Variants in ADAM32 observed in about 807,000 individuals in gnomAD.
ADAM32 encodes the protein ADAM metallopeptidase domain 32.
A neutral mutation model predicts 114.9 loss-of-function variants in ADAM32; 89 were observed. That is an observed-to-expected ratio of 0.77 (90% CI 0.65 to 0.92). The LOEUF (loss-of-function observed/expected upper bound fraction) is 0.92, where lower values mean the gene tolerates loss of function less well. ADAM32 is among the 40% of genes least tolerant of loss of function. ADAM32 has a pLI of 0.00. For missense variants in ADAM32, 870 were observed against 932.8 expected, an observed-to-expected ratio of 0.93 and a Z score of 0.88; for synonymous variants, 285 against 307.5, an observed-to-expected ratio of 0.93 and a Z score of 0.77.
intron 19 of ADAM32, among the ~76,000 whole-genome samples, chr8:39,265,768 G>A (rs901240985): frequency 5.3e-5 from 8 of 152,062 alleles, no homozygotes; most frequent in African/African-American, 1.2e-4. Flanking sequence ...GGGGGGCTAC[G>A]CATGTAAGTA....
chr8:39,270,615 A>G (rs992044933), intron 19 of ADAM32, among the ~76,000 whole-genome samples: 6 of 152,210 alleles, frequency 3.9e-5, no homozygotes, highest in South Asian at 2.1e-4. Context: ...TTTAGAAGGG[A>G]TCAGAAAAAG....
intron 20 of ADAM32, among the ~76,000 whole-genome samples, chr8:39,272,410 G>A (rs972679458): frequency 2.0e-5 from 3 of 152,002 alleles, no homozygotes; most frequent in South Asian, 2.1e-4. Flanking sequence ...GTTATTGTGC[G>A]AACATCACAG....
At position 39,278,889 on chromosome 8, in the gene ADAM32, A is replaced by G. The variant is rs191561558; in HGVS notation, c.2280-2247A>G. On this transcript the variant is annotated intron_variant, in intron 22 of 24. Transcript: ENST00000379907. The stretch of plus-strand genomic sequence containing the variant: ...CACTGAATTTTGAATGATAGCTTAA[A>G]TGGTTACTCCTAGCTGAGAAGGACT... Among the ~76,000 whole-genome samples, 678 of 152,246 alleles carry G rather than the reference A, an allele frequency of 4.5e-3. 9 individuals carry two copies. The highest frequency in any genetic ancestry group is 5.1e-3 in the Non-Finnish European group (344 of 68,012).
At position 39,211,451 on chromosome 8, in the gene ADAM32, C is replaced by A. The variant is rs1239461025; in HGVS notation, c.1233+127C>A. The A allele has an allele frequency of 8.7e-6, 8 of 921,362 alleles. No homozygotes were observed. The South Asian group carries it at 1.0e-4, about 12-fold the overall frequency. The allele number at this position is 921,362 out of a possible 1,614,324, so 57.1% of individuals were successfully genotyped here. On this transcript the variant is annotated intron_variant, in intron 12 of 24. Transcript: ENST00000379907. The stretch of plus-strand genomic sequence containing the variant: ...ATGTTGACAGTAAGTGAAGTTGGGT[C>A]GAAATACATACAAGAAAATACTGTT...
rs1340364825 is a variant in ADAM32 at position 39,185,194 on chromosome 8, G to T, written c.916-1715G>T. Among the ~76,000 whole-genome samples the T allele has an allele frequency of 3.3e-5, 5 of 151,648 alleles. No homozygotes were observed. The East Asian group carries it at 9.7e-4, about 29-fold the overall frequency. On this transcript the variant is annotated intron_variant, in intron 10 of 24. Coordinates refer to ENST00000379907, the MANE Select transcript of ADAM32 (RefSeq NM_145004.7). Reference sequence around the variant, plus strand: ...GCAGGAGAATCACTTGAACCCAGGAGGTGGAGGTTGCAGTGAGCCAAGATC... The same window carrying T: ...GCAGGAGAATCACTTGAACCCAGGATGTGGAGGTTGCAGTGAGCCAAGATC...
intron 12 of ADAM32, among the ~76,000 whole-genome samples, chr8:39,219,155 C>T (rs1808780970): frequency 6.6e-6 from 1 of 152,058 alleles, no homozygotes; most frequent in Admixed American, 6.6e-5. Context: ...GTCTTCTTTA[C>T]TCTTCCCTTT....
intron 2 of ADAM32, among the ~76,000 whole-genome samples, chr8:39,120,623 G>A (rs796496694): frequency 3.3e-5 from 5 of 152,054 alleles, no homozygotes; most frequent in South Asian, 4.2e-4. Context: ...TTAGCTGGAC[G>A]TGGTGGCAGG....
rs555012856 is a variant in ADAM32 at position 39,257,528 on chromosome 8, G to A, written c.2162+185G>A. Among the ~76,000 whole-genome samples, 67 of 152,176 alleles carry A rather than the reference G, an allele frequency of 4.4e-4. No homozygotes were observed. Among genetic ancestry groups the A allele is most frequent in the Non-Finnish European group, 9.1e-4 (62 of 67,948 alleles). ...ATTTTTAAGACACAAAGATTTGGAA[G>A]TGTAATTTACATAGTTTGCCAAAGT... On this transcript the variant is annotated intron_variant, in intron 19 of 24. Transcript: ENST00000379907.
rs183133435 is a variant in ADAM32, at chr8:39,121,451, G to C, written c.138+3286G>C. Among the ~76,000 whole-genome samples the C allele has an allele frequency of 3.9e-3, 589 of 152,202 alleles. 6 individuals carry two copies. Among genetic ancestry groups the C allele is most frequent in the African/African-American group, 0.014 (561 of 41,524 alleles). On this transcript the variant is annotated intron_variant, in intron 2 of 24. Coordinates refer to ENST00000379907, the MANE Select transcript of ADAM32 (RefSeq NM_145004.7). ...AACATCACACACTGGGGCCAGTCGG[G>C]GGGTGGAGGGCTAGGGGAGGGAGAG... is the stretch of plus-strand genomic sequence containing the variant.
intron 23 of ADAM32, among the ~76,000 whole-genome samples, chr8:39,283,023 C>A (rs75604116): frequency 0.13 from 20,347 of 152,116 alleles, 1,535 homozygotes; most frequent in Middle Eastern, 0.23. Flanking sequence ...GTGAATTAAT[C>A]TTGATTAATT....
At chr8:39,152,972 T>G (rs983267997) in intron 6 of ADAM32, among the ~76,000 whole-genome samples, 6 of 152,154 alleles carry the variant, frequency 3.9e-5, no homozygotes, top group Non-Finnish European at 8.8e-5. Context: ...CATACTGACA[T>G]GTAATGGTCC....
At chr8:39,208,312 C>T (rs1228119475) in intron 11 of ADAM32, among the ~76,000 whole-genome samples, 1 of 152,128 alleles carries the variant, frequency 6.6e-6, no homozygotes, top group Non-Finnish European at 1.5e-5. Context: ...TACACTTTAA[C>T]TCCCTTCTCC....
At chr8:39,177,441 CTT>C (rs1402368205) in intron 10 of ADAM32, among the ~76,000 whole-genome samples, 6 of 152,092 alleles carry the variant, frequency 3.9e-5, no homozygotes, top group African/African-American at 9.7e-5. Context: ...GGTTTTGACT[CTT>C]TATTCATCTT....
intron 1 of ADAM32, among the ~76,000 whole-genome samples, chr8:39,115,540 A>G (rs1002336955): frequency 1.4e-5 from 2 of 148,142 alleles, no homozygotes; most frequent in African/African-American, 4.9e-5. Flanking sequence ...GGCCACATGT[A>G]TGTTTTATTT....
chr8:39,169,870 A>G (rs776706118), intron 9 of ADAM32, 46 bp from the exon 10 acceptor site: 1 of 1,381,522 alleles, frequency 7.2e-7, no homozygotes, highest in Admixed American at 1.9e-5. Context: ...TCTCATTTTT[A>G]AATTGTCTGT....
At chr8:39,216,593 T>G (rs1331550362) in intron 12 of ADAM32, among the ~76,000 whole-genome samples, 1 of 152,136 alleles carries the variant, frequency 6.6e-6, no homozygotes, top group African/African-American at 2.4e-5. Context: ...TCTTGCTTTT[T>G]ATTTTCTGTG....
At chr8:39,259,009 A>G (rs978152736) in intron 19 of ADAM32, among the ~76,000 whole-genome samples, 6 of 151,920 alleles carry the variant, frequency 3.9e-5, no homozygotes, top group Non-Finnish European at 7.4e-5. Context: ...TTTTTTCTCA[A>G]TCTGTCTTTG....
intron 1 of ADAM32, among the ~76,000 whole-genome samples, chr8:39,115,027 A>C (rs902078039): frequency 1.3e-5 from 2 of 152,236 alleles, no homozygotes; most frequent in African/African-American, 4.8e-5. Flanking sequence ...AGCTGCAACC[A>C]TGTGGCTGCA....
At chr8:39,130,956 C>CTTT (rs71218310) in intron 2 of ADAM32, 4,316 of 327,744 alleles carry the variant, frequency 0.013, 55 homozygotes, top group African/African-American at 0.034. Flanking sequence ...AGGAGGATGT[C>CTTT]TTTTTTTTTT....
Sources: gnomAD v4.1 joint callset for allele counts (sites outside exome capture counted in the v4.1 genomes callset) on GRCh38, gnomAD v4.1.1 for gene constraint, MANE v1.5 for transcripts, NCBI Gene and HGNC (gene_info 2026-07-23, HGNC 2026-07-21) for gene names.